CERS3: variants seen among roughly 807,000 people sequenced by gnomAD.
The protein encoded by CERS3 is ceramide synthase 3.
A neutral mutation model predicts 50.3 loss-of-function variants in CERS3; 33 were observed. That is an observed-to-expected ratio of 0.66 (90% CI 0.50 to 0.88). The LOEUF (loss-of-function observed/expected upper bound fraction) is 0.88. Among genes scored for constraint, CERS3 ranks in the 40% least tolerant of loss-of-function variants. The probability of loss-of-function intolerance (pLI) is 0.00; values close to 1 mark genes in which losing one functional copy is unlikely to be tolerated. For synonymous variants in CERS3, 176 were observed against 155.2 expected (o/e 1.13, Z -0.99); for missense variants, 470 against 460.3 (o/e 1.02, Z -0.19).
At chr15:100,528,224 T>C (rs1173542465) in intron 1 of CERS3, among the ~76,000 whole-genome samples, 3 of 152,238 alleles carry the variant, frequency 2.0e-5, no homozygotes, top group African/African-American at 7.2e-5. Context: ...ACCGAACAGC[T>C]AATTTCTCCT....
chr15:100,501,958 G>T, intron 2 of CERS3, 108 bp from the exon 3 acceptor site: 1 of 1,190,932 alleles, frequency 8.4e-7, no homozygotes, highest in Non-Finnish European at 1.2e-6. Context: ...TAGAAAATAA[G>T]GCAAGAGGCC....
intron 11 of CERS3, among the ~76,000 whole-genome samples, chr15:100,450,865 A>G (rs2034137067): frequency 6.6e-6 from 1 of 152,132 alleles, no homozygotes; most frequent in Non-Finnish European, 1.5e-5. Context: ...GAAACCTTAC[A>G]GGCCAGGGGA....
Position 100,402,746 on chromosome 15 carries a change from C to G in CERS3, c.1119G>C (p.Arg373Ser). Residue 373 changes from arginine to serine, a missense_variant, in exon 12 of 12, where the codon AGG becomes AGC. Physicochemically the swap from Arg to Ser is moderately radical, Grantham distance 110 (BLOSUM62 -1). Transcript: ENST00000679737. Reference protein sequence around the residue: ...DCLKNGLRAERHLIPNGQHGH With the variant: ...DCLKNGLRAESHLIPNGQHGH ...CATGCTGGCCATTGGGAATGAGGTG[C>G]CTCTCAGCCCTGAGGCCGTTCTTTA... The G allele has an allele frequency of 1.2e-6, 2 of 1,614,142 alleles. No homozygotes were observed. Among genetic ancestry groups the G allele is most frequent in the Non-Finnish European group, 1.7e-6 (2 of 1,180,018 alleles).
At chr15:100,438,229 G>C (rs540271587) in intron 11 of CERS3, among the ~76,000 whole-genome samples, 21 of 151,868 alleles carry the variant, frequency 1.4e-4, no homozygotes, top group African/African-American at 3.1e-4. Context: ...ATTTTTAGTA[G>C]AGACAGGGTT....
At chr15:100,502,829 G>A (rs72759162) in intron 2 of CERS3, among the ~76,000 whole-genome samples, 7,985 of 151,976 alleles carry the variant, frequency 0.053, 296 homozygotes, top group Admixed American at 0.11. Flanking sequence ...ACGTATACAG[G>A]TTGCTGTGGG....
At chr15:100,431,312 T>C (rs890340922) in intron 11 of CERS3, among the ~76,000 whole-genome samples, 4 of 152,232 alleles carry the variant, frequency 2.6e-5, no homozygotes, top group African/African-American at 9.6e-5. Context: ...CTTTATATAA[T>C]AAATGGTTCT....
In CERS3 at chr15:100,467,850, T is replaced by TATAGATAGATAGATAGATAG. The variant is rs1555528323; in HGVS notation, c.845+1508_845+1527dup. 8.4e-3 allele frequency among the ~76,000 whole-genome samples: 785 copies of TATAGATAGATAGATAGATAG among 93,118 alleles called. 24 individuals are homozygous for TATAGATAGATAGATAGATAG. The highest frequency in any genetic ancestry group is 0.013 in the East Asian group (48 of 3,570). The allele number at this position is 93,118 out of a possible 152,430, so 61.1% of individuals were successfully genotyped here. On this transcript the variant is annotated intron_variant, in intron 10 of 11. Transcript: ENST00000679737. ...ATATATATACGTGTATATATATATA[T>TATAGATAGATAGATAGATAG]ATAGATAGATAGATAGATAGATAGA...
intron 11 of CERS3, among the ~76,000 whole-genome samples, chr15:100,412,265 A>G (rs1464678868): frequency 1.3e-5 from 2 of 152,196 alleles, no homozygotes; most frequent in East Asian, 1.9e-4. Flanking sequence ...TAAGGGTCCA[A>G]CTTCATTCTT....
Position 100,469,384 on chromosome 15 carries a change from G to A in CERS3, c.839C>T (p.Pro280Leu). 1 of 1,613,406 alleles carries A rather than the reference G, an allele frequency of 6.2e-7. No individual in the cohort carries two copies. Among genetic ancestry groups the A allele is most frequent in the Non-Finnish European group, 8.5e-7 (1 of 1,179,460 alleles). Residue 280 changes from proline to leucine, a missense_variant, in exon 10 of 12, where the codon CCT becomes CTT. Physicochemically the swap from Pro to Leu is moderately conservative, Grantham distance 98. Transcript: ENST00000679737. ...ACATCACCGGTCTACTCACCAGAAA[G>A]GAAAAACAATGAGGCGGCTGATGAA... ...IFFISRLIVFPFWILYCTLIL... is the reference protein window; with the variant it reads ...IFFISRLIVFLFWILYCTLIL...
intron 11 of CERS3, among the ~76,000 whole-genome samples, chr15:100,409,847 G>A (rs556289510): frequency 6.6e-6 from 1 of 152,304 alleles, no homozygotes; most frequent in East Asian, 1.9e-4. Flanking sequence ...GCTTCAAGAA[G>A]GATCCAAAAC....
At chr15:100,522,104 T>G (rs2036657447) in intron 1 of CERS3, among the ~76,000 whole-genome samples, 1 of 152,222 alleles carries the variant, frequency 6.6e-6, no homozygotes. Flanking sequence ...TCAGTTAACT[T>G]TGTGACTCCT....
chr15:100,455,715 T>G (rs1320922757), intron 11 of CERS3, among the ~76,000 whole-genome samples, 178 bp downstream of exon 11: 2 of 152,130 alleles, frequency 1.3e-5, no homozygotes, highest in Non-Finnish European at 2.9e-5. Context: ...AAAAGCACCT[T>G]AAAGACCTAC....
At chr15:100,470,107 A>G (rs956521846) in intron 9 of CERS3, among the ~76,000 whole-genome samples, 1 of 152,204 alleles carries the variant, frequency 6.6e-6, no homozygotes, top group Non-Finnish European at 1.5e-5. Flanking sequence ...AGTGTGGTAG[A>G]AGACAGTTAA....
intron 3 of CERS3, among the ~76,000 whole-genome samples, chr15:100,498,596 T>A (rs940265162): frequency 2.6e-5 from 4 of 152,184 alleles, no homozygotes; most frequent in Non-Finnish European, 5.9e-5. Flanking sequence ...GGTTTGCTAC[T>A]ATTGCAGAAC....
intron 11 of CERS3, among the ~76,000 whole-genome samples, chr15:100,453,523 G>A (rs2034250527): frequency 6.6e-6 from 1 of 152,174 alleles, no homozygotes; most frequent in East Asian, 1.9e-4. Context: ...GGGCATATAT[G>A]ACAGATTCAT....
chr15:100,407,399 T>C (rs1449563458), intron 11 of CERS3, among the ~76,000 whole-genome samples: 22 of 152,184 alleles, frequency 1.4e-4, no homozygotes, highest in Admixed American at 1.4e-3. Flanking sequence ...ATACTACTGA[T>C]GTTTAGGGAG....
intron 10 of CERS3, among the ~76,000 whole-genome samples, chr15:100,461,186 A>C (rs1325895658): frequency 3.3e-5 from 5 of 152,114 alleles, no homozygotes; most frequent in Admixed American, 6.5e-5. Context: ...AACACCACTA[A>C]TTTCTTGGCT....
chr15:100,469,136 G>C (rs1178922284), intron 10 of CERS3, among the ~76,000 whole-genome samples: 1 of 152,234 alleles, frequency 6.6e-6, no homozygotes, highest in African/African-American at 2.4e-5. Flanking sequence ...CAGAGTAAGA[G>C]CTGCTGCTTG....
At chr15:100,417,884 G>A (rs1567597488) in intron 11 of CERS3, among the ~76,000 whole-genome samples, 1 of 151,916 alleles carries the variant, frequency 6.6e-6, no homozygotes, top group Non-Finnish European at 1.5e-5. Context: ...TCTGTTAGAA[G>A]GAAAACTAAC....
Sources: gnomAD v4.1 joint callset for allele counts (sites outside exome capture counted in the v4.1 genomes callset) on GRCh38, gnomAD v4.1.1 for gene constraint, MANE v1.5 for transcripts, NCBI Gene and HGNC (gene_info 2026-07-23, HGNC 2026-07-21) for gene names.